GSE1: variants seen among roughly 807,000 people sequenced by gnomAD.
GSE1 encodes genetic suppressor element 1.
GSE1 carries 32 observed loss-of-function variants against 112.6 expected under a neutral mutation model. That is an observed-to-expected ratio of 0.28 (90% CI 0.21 to 0.38). The LOEUF (loss-of-function observed/expected upper bound fraction) is 0.38. Among genes scored for constraint, GSE1 ranks in the 10% least tolerant of loss-of-function variants. GSE1 has a pLI of 1.00. For missense variants in GSE1, 2,348 were observed against 1,699.2 expected, an observed-to-expected ratio of 1.38 and a Z score of -6.71; for synonymous variants, 1,115 against 735.6, an observed-to-expected ratio of 1.52 and a Z score of -8.35.
At chr16:85,423,086 C>G (rs1276924723) in intron 2 of GSE1, among the ~76,000 whole-genome samples, 1 of 152,234 alleles carries the variant, frequency 6.6e-6, no homozygotes, top group Non-Finnish European at 1.5e-5. Flanking sequence ...CTCGCAAGCA[C>G]TGAAGTGGAG....
chr16:85,629,921 C>G (rs923003702), intron 1 of GSE1, among the ~76,000 whole-genome samples: 1 of 152,172 alleles, frequency 6.6e-6, no homozygotes, highest in African/African-American at 2.4e-5. Flanking sequence ...AACACAAAAC[C>G]TTTGTTATCT....
intron 1 of GSE1, among the ~76,000 whole-genome samples, chr16:85,212,751 AG>A (rs1401707172): frequency 6.6e-5 from 10 of 152,176 alleles, no homozygotes; most frequent in Admixed American, 5.2e-4. Flanking sequence ...GCCCACTCGC[AG>A]GGGTGACAGC....
chr16:85,206,965 G>A (rs988336481), intron 1 of GSE1, among the ~76,000 whole-genome samples: 12 of 152,270 alleles, frequency 7.9e-5, no homozygotes, highest in South Asian at 2.1e-4. Context: ...TACAGCCTCC[G>A]GCGGCAGTTC....
At chr16:85,209,178 T>A (rs529259765) in intron 1 of GSE1, among the ~76,000 whole-genome samples, 2 of 152,314 alleles carry the variant, frequency 1.3e-5, no homozygotes, top group East Asian at 3.9e-4. Context: ...ACTGTGGCCC[T>A]GGCCTGCAGA....
intron 10 of GSE1, 96 bp downstream of exon 10, chr16:85,663,189 C>T (rs1466578222): frequency 1.0e-5 from 13 of 1,260,286 alleles, no homozygotes; most frequent in African/African-American, 1.5e-5. Flanking sequence ...TAGGTTCCTC[C>T]GAAGTCCTGG....
rs116226087 is a variant in GSE1 at position 85,517,097 on chromosome 16, A to G, written c.2465-116817A>G. Reference sequence around the variant, plus strand: ...CAGGCGTGAGCCACCGCGCCCGGCCATGTCTTGGTTCTGGATGTTCCTGGT... The same window carrying G: ...CAGGCGTGAGCCACCGCGCCCGGCCGTGTCTTGGTTCTGGATGTTCCTGGT... On this transcript the variant is annotated intron_variant, in intron 2 of 2. Coordinates refer to the GSE1 transcript ENST00000637419. Among the ~76,000 whole-genome samples, 677 of 152,196 alleles carry G rather than the reference A, an allele frequency of 4.4e-3. 5 individuals are homozygous for G. The highest frequency in any genetic ancestry group is 0.015 in the African/African-American group (630 of 41,546).
exon 1 of GSE1, chr16:85,170,663 C>T (rs1225741888): frequency 3.0e-6 from 3 of 985,562 alleles, no homozygotes; most frequent in African/African-American, 3.5e-5. Context: ...TCCCCGGCCT[C>T]GCACCACCAG....
intron 2 of GSE1, among the ~76,000 whole-genome samples, chr16:85,548,130 G>T (rs748812446): frequency 6.6e-6 from 1 of 150,988 alleles, no homozygotes; most frequent in Non-Finnish European, 1.5e-5. Flanking sequence ...TCTGGAGGCT[G>T]AGGCAGGAGA....
intron 1 of GSE1, among the ~76,000 whole-genome samples, chr16:85,236,041 G>A (rs1350231160): frequency 7.0e-6 from 1 of 142,352 alleles, no homozygotes; most frequent in Non-Finnish European, 1.5e-5. Context: ...GCTGGGGCTG[G>A]GGCTGGGGCT....
intron 1 of GSE1, among the ~76,000 whole-genome samples, chr16:85,275,683 C>A (rs1909289403): frequency 6.6e-6 from 1 of 152,190 alleles, no homozygotes; most frequent in African/African-American, 2.4e-5. Flanking sequence ...TGAGGGGACC[C>A]CAGGGACTGA....
At chr16:85,617,160 C>T (rs1433546120) in intron 1 of GSE1, among the ~76,000 whole-genome samples, 2 of 152,204 alleles carry the variant, frequency 1.3e-5, no homozygotes, top group African/African-American at 4.8e-5. Context: ...GGCCAGTCCA[C>T]CTGCCCCTCC....
At position 85,378,285 on chromosome 16, in the gene GSE1, G is replaced by A. The variant is rs117326613; in HGVS notation, c.2464+20642G>A. 9.7e-3 allele frequency among the ~76,000 whole-genome samples: 1,476 copies of A among 152,272 alleles called. 14 individuals are homozygous for A. Among genetic ancestry groups the A allele is most frequent in the Non-Finnish European group, 0.016 (1,121 of 68,006 alleles). ...CGCCAGCCCCTCCCTCAGCTGGGTC[G>A]GTGTCCTCCATGCTGCTGCCTGCCC... On this transcript the variant is annotated intron_variant, in intron 2 of 2. Coordinates refer to the GSE1 transcript ENST00000637419.
intron 1 of GSE1, among the ~76,000 whole-genome samples, chr16:85,243,926 A>G (rs752629652): frequency 1.5e-4 from 23 of 152,194 alleles, no homozygotes; most frequent in Non-Finnish European, 3.1e-4. Flanking sequence ...CAGGAGTTTG[A>G]GACCAGCCTG....
At chr16:85,257,496 A>C (rs1306570691) in intron 1 of GSE1, among the ~76,000 whole-genome samples, 1 of 152,216 alleles carries the variant, frequency 6.6e-6, no homozygotes, top group Non-Finnish European at 1.5e-5. Flanking sequence ...TAGCGCGAGG[A>C]AGGATGTTTC....
chr16:85,249,584 C>T (rs1171874959), intron 1 of GSE1, among the ~76,000 whole-genome samples: 5 of 152,216 alleles, frequency 3.3e-5, no homozygotes, highest in African/African-American at 7.2e-5. Context: ...ATTGTCACTC[C>T]GTGGAGCAAC....
chr16:85,662,148 G>A (rs976037974), intron 9 of GSE1: 17 of 176,590 alleles, frequency 9.6e-5, no homozygotes, highest in African/African-American at 1.4e-4. Context: ...ATACAGGGCC[G>A]CTGCCACGAG....
At chr16:85,321,445 A>G (rs529903688) in intron 1 of GSE1, among the ~76,000 whole-genome samples, 4 of 152,252 alleles carry the variant, frequency 2.6e-5, no homozygotes, top group Non-Finnish European at 5.9e-5. Flanking sequence ...TTCTGCCAGC[A>G]ATGTACTGAG....
At chr16:85,664,969 A>C in intron 11 of GSE1, 46 bp from the exon 12 acceptor site, 1 of 1,271,022 alleles carries the variant, frequency 7.9e-7, no homozygotes, top group Non-Finnish European at 1.2e-6. Context: ...TTCTCTCCAA[A>C]AAATGATGCA....
chr16:85,270,556 C>T (rs1165336501), intron 1 of GSE1, among the ~76,000 whole-genome samples: 2 of 148,768 alleles, frequency 1.3e-5, no homozygotes, highest in Non-Finnish European at 3.0e-5. Context: ...TTAAAGCAGC[C>T]CAGTGGGGGC....
Sources: allele counts gnomAD v4.1 joint callset (sites outside exome capture counted in the v4.1 genomes callset), GRCh38; gene constraint gnomAD v4.1.1; transcripts MANE v1.5; gene names NCBI Gene and HGNC (gene_info 2026-07-23, HGNC 2026-07-21).